Variants in FAM120B observed in about 807,000 individuals in gnomAD.
The protein encoded by FAM120B is constitutive coactivator of peroxisome proliferator-activated receptor gamma.
Under a neutral mutation model 96.3 loss-of-function variants are expected in FAM120B, and 83 were observed. The ratio of observed to expected loss-of-function variants is 0.86; its 90% confidence interval spans 0.72 to 1.03. The LOEUF (loss-of-function observed/expected upper bound fraction) is 1.03, where lower values mean the gene tolerates loss of function less well. Ranked by LOEUF, FAM120B falls within the 50% of genes least tolerant of loss-of-function variation. The probability of loss-of-function intolerance (pLI) is 0.00; values close to 1 mark genes in which losing one functional copy is unlikely to be tolerated. For synonymous variants in FAM120B, 407 were observed against 402.7 expected, an observed-to-expected ratio of 1.01 and a Z score of -0.13; for missense variants, 1,027 against 1,121.2, an observed-to-expected ratio of 0.92 and a Z score of 1.20.
At chr6:170,302,397 A>G (rs1416037220), upstream of FAM120B, among the ~76,000 whole-genome samples, 1 of 152,240 alleles carries the variant, frequency 6.6e-6, no homozygotes, top group Non-Finnish European at 1.5e-5. Flanking sequence ...TAGGAACTAC[A>G]GTTCAAGATG....
intron 1 of FAM120B, among the ~76,000 whole-genome samples, chr6:170,296,584 C>T (rs993242390): frequency 6.6e-6 from 1 of 151,770 alleles, no homozygotes; most frequent in Non-Finnish European, 1.5e-5. Context: ...CGGCCCGGCC[C>T]CGGGCTGTGC....
intron 6 of FAM120B, among the ~76,000 whole-genome samples, chr6:170,377,286 C>T (rs564875156): frequency 4.8e-5 from 6 of 123,938 alleles, no homozygotes; most frequent in East Asian, 4.1e-4. Context: ...GCTGTGCACA[C>T]GCGTCCCTAA....
intron 1 of FAM120B, among the ~76,000 whole-genome samples, chr6:170,309,330 A>G (rs1466625371): frequency 6.6e-6 from 1 of 152,226 alleles, no homozygotes; most frequent in Non-Finnish European, 1.5e-5. Context: ...CCCTAATATG[A>G]GAAGTAAATA....
chr6:170,341,188 G>A (rs977540703), intron 4 of FAM120B, among the ~76,000 whole-genome samples: 7 of 152,234 alleles, frequency 4.6e-5, no homozygotes, highest in African/African-American at 1.7e-4. Flanking sequence ...CTGCCTTTCA[G>A]AGATGCCCTA....
At chr6:170,361,218 A>ACGTG (rs1554286340) in intron 6 of FAM120B, among the ~76,000 whole-genome samples, 2,101 of 108,836 alleles carry the variant, frequency 0.019, 204 homozygotes, top group African/African-American at 0.068. Context: ...ATATATATAT[A>ACGTG]TATATATATA....
chr6:170,319,175 A>T, intron 2 of FAM120B, 51 bp downstream of exon 2: 1 of 1,485,850 alleles, frequency 6.7e-7, no homozygotes, highest in Non-Finnish European at 8.9e-7. Flanking sequence ...ATATCCGCTG[A>T]TGGATTTGTT....
At chr6:170,361,218 A>ACGTATATATATATACGTG (rs1554286340) in intron 6 of FAM120B, among the ~76,000 whole-genome samples, 1 of 108,878 alleles carries the variant, frequency 9.2e-6, no homozygotes, top group Admixed American at 1.0e-4. Context: ...ATATATATAT[A>ACGTATATATATATACGTG]TATATATATA....
Position 170,317,494 on chromosome 6 carries a change from C to G in FAM120B, c.104C>G (p.Pro35Arg). 6.2e-7 allele frequency: 1 copy of G among 1,614,184 alleles called. No homozygotes were observed. Among genetic ancestry groups the G allele is most frequent in the Non-Finnish European group, 8.5e-7 (1 of 1,180,030 alleles). Residue 35 changes from proline (P) to arginine (R), a missense_variant, in exon 2 of 11, where the codon CCT becomes CGT. By Grantham distance (103) the Pro-to-Arg change is moderately radical (BLOSUM62 -2). Around this residue, in one of 3 missense-constraint regions of FAM120B, gnomAD observed 880 missense variants for 980.9 expected, o/e 0.90. Transcript: ENST00000476287. ...ELAEHHRSKY[P>R]GCTPTIVVDA... The stretch of plus-strand genomic sequence containing the variant: ...GCAGAGCACCACCGAAGCAAGTATC[C>G]TGGATGTACCCCTACCATTGTGGTT...
intron 2 of FAM120B, among the ~76,000 whole-genome samples, chr6:170,321,199 A>C (rs1377752961): frequency 1.3e-5 from 2 of 152,186 alleles, no homozygotes; most frequent in African/African-American, 4.8e-5. Context: ...TTTCTCTATA[A>C]AATTTTTTTG....
intron 4 of FAM120B, among the ~76,000 whole-genome samples, chr6:170,342,711 C>A (rs1400879913): frequency 6.6e-6 from 1 of 152,216 alleles, no homozygotes; most frequent in Non-Finnish European, 1.5e-5. Flanking sequence ...TCTGTTCACA[C>A]AAAACCTTTT....
intron 6 of FAM120B, among the ~76,000 whole-genome samples, chr6:170,373,302 G>A (rs989830491): frequency 3.9e-5 from 6 of 152,122 alleles, no homozygotes; most frequent in African/African-American, 1.2e-4. Flanking sequence ...TATTCATTGG[G>A]TTGGACAAGC....
At chr6:170,395,159 C>T (rs948077450) in intron 8 of FAM120B, among the ~76,000 whole-genome samples, 5 of 152,126 alleles carry the variant, frequency 3.3e-5, no homozygotes, top group African/African-American at 1.2e-4. Context: ...TGGGCTTGGT[C>T]ATGGGCGCCA....
Position 170,323,248 on chromosome 6 carries a change from A to T in FAM120B, c.1904A>T (p.Glu635Val). 1 of 1,612,738 alleles carries T rather than the reference A, an allele frequency of 6.2e-7. No homozygotes were observed. Among genetic ancestry groups the T allele is most frequent in the Non-Finnish European group, 8.5e-7 (1 of 1,179,422 alleles). ...IRQRVYSLLL[E>V]DCQDVTSTCL... is the part of the protein sequence containing the mutation. ...CAGCGGGTCTACTCACTCTTACTGGAGGACTGTCAAGGTGAGAATTGGTTG... is the reference window on the plus strand; with the variant it reads ...CAGCGGGTCTACTCACTCTTACTGGTGGACTGTCAAGGTGAGAATTGGTTG... The change falls in exon 3 of 11, where the codon GAG becomes GTG. Residue 635 changes from glutamate to valine, a missense_variant. Physicochemically the swap from Glu to Val is moderately radical, Grantham distance 121. Coordinates refer to ENST00000476287, the MANE Select transcript of FAM120B (RefSeq NM_032448.3).
chr6:170,379,290 A>G (rs1227475391), intron 6 of FAM120B, among the ~76,000 whole-genome samples: 1 of 152,222 alleles, frequency 6.6e-6, no homozygotes, highest in Non-Finnish European at 1.5e-5. Context: ...TTTGTTACCA[A>G]TAGAAATCAG....
chr6:170,395,627 C>T, intron 9 of FAM120B, 48 bp downstream of exon 9: 1 of 1,360,910 alleles, frequency 7.3e-7, no homozygotes, highest in Non-Finnish European at 1.0e-6. Context: ...ATGGCACTGC[C>T]TCTCACCTTG....
intron 1 of FAM120B, among the ~76,000 whole-genome samples, chr6:170,310,176 A>G (rs1022140160): frequency 2.6e-5 from 4 of 152,234 alleles, no homozygotes; most frequent in Non-Finnish European, 4.4e-5. Context: ...AAAAGCCTAA[A>G]TAAGTGTCTT....
intron 9 of FAM120B, among the ~76,000 whole-genome samples, chr6:170,397,475 C>T (rs1035629364): frequency 6.6e-6 from 1 of 152,092 alleles, no homozygotes; most frequent in African/African-American, 2.4e-5. Context: ...GTGGGCTAGA[C>T]TTGGAGGGCC....
At chr6:170,332,707 A>AC (rs1023539893) in intron 4 of FAM120B, among the ~76,000 whole-genome samples, 10 of 152,122 alleles carry the variant, frequency 6.6e-5, no homozygotes, top group Non-Finnish European at 1.2e-4. Flanking sequence ...TCAAAAAAAA[A>AC]AAGTGAGATC....
chr6:170,294,190 C>CGGA (rs1783948277), upstream of FAM120B, among the ~76,000 whole-genome samples: 1 of 152,146 alleles, frequency 6.6e-6, no homozygotes, highest in Non-Finnish European at 1.5e-5. This position sits in a 1 kb window ranked among gnomAD's most constrained non-coding sequence, Gnocchi z 7.9. Flanking sequence ...CCCCGGCTGC[C>CGGA]GGAGTCCCTC....
Sources: gnomAD v4.1 joint callset for allele counts (sites outside exome capture counted in the v4.1 genomes callset) on GRCh38, gnomAD v4.1.1 for gene constraint, gnomAD v4.1.1 regional missense constraint, Gnocchi (gnomAD v3.1) non-coding constraint, MANE v1.5 for transcripts, NCBI Gene and HGNC (gene_info 2026-07-23, HGNC 2026-07-21) for gene names.